Variants in KIF26B observed in about 807,000 individuals in gnomAD.
KIF26B encodes the protein kinesin family member 26B.
Under a neutral mutation model 151.2 loss-of-function variants are expected in KIF26B, and 63 were observed. That is an observed-to-expected ratio of 0.42 (90% confidence interval 0.34 to 0.51). The LOEUF (loss-of-function observed/expected upper bound fraction) is 0.51, where lower values mean the gene tolerates loss of function less well. KIF26B is among the 20% of genes least tolerant of loss of function. The pLI is 0.07. For synonymous variants in KIF26B, 1,357 were observed against 1,262.1 expected, an observed-to-expected ratio of 1.08 and a Z score of -1.59; for missense variants, 2,813 against 2,913.6, an observed-to-expected ratio of 0.97 and a Z score of 0.79.
intron 3 of KIF26B, chr1:245,371,545 C>T (rs557448219): frequency 6.6e-6 from 1 of 152,274 alleles, no homozygotes; most frequent in South Asian, 2.1e-4. Flanking sequence ...AGGGAGAAGA[C>T]GACTCTGCCT....
chr1:245,325,539 C>A (rs746698771), intron 2 of KIF26B, among the ~76,000 whole-genome samples: 1 of 152,046 alleles, frequency 6.6e-6, no homozygotes, highest in Non-Finnish European at 1.5e-5. Flanking sequence ...ATGGTGAAAC[C>A]CCGTCTCTAC....
At chr1:245,420,151 T>C (rs1054583858) in intron 4 of KIF26B, among the ~76,000 whole-genome samples, 1 of 152,192 alleles carries the variant, frequency 6.6e-6, no homozygotes, top group African/African-American at 2.4e-5. Context: ...TCCAGATTTA[T>C]CTTCTCATTA....
intron 10 of KIF26B, among the ~76,000 whole-genome samples, chr1:245,649,504 A>C (rs189979548): frequency 5.3e-5 from 8 of 152,294 alleles, no homozygotes; most frequent in Non-Finnish European, 1.2e-4. Context: ...ATTATGCAGC[A>C]TTTTGTTAGC....
intron 5 of KIF26B, among the ~76,000 whole-genome samples, chr1:245,558,093 G>A (rs1662079776): frequency 6.6e-6 from 1 of 152,170 alleles, no homozygotes; most frequent in Non-Finnish European, 1.5e-5. Flanking sequence ...TTTCTCTTTG[G>A]AGGACTGGAG....
chr1:245,403,979 A>G (rs966420469), intron 3 of KIF26B, among the ~76,000 whole-genome samples: 2 of 152,130 alleles, frequency 1.3e-5, no homozygotes, highest in Non-Finnish European at 2.9e-5. Flanking sequence ...CTTTTTGGAG[A>G]TGGCCTGATT....
At chr1:245,190,384 C>G (rs979336537) in intron 2 of KIF26B, among the ~76,000 whole-genome samples, 1 of 152,088 alleles carries the variant, frequency 6.6e-6, no homozygotes, top group Admixed American at 6.5e-5. Context: ...GTAATCTTTC[C>G]TGTAACACTG....
chr1:245,237,768 T>A (rs967650004), intron 2 of KIF26B, among the ~76,000 whole-genome samples: 1 of 152,154 alleles, frequency 6.6e-6, no homozygotes, highest in Non-Finnish European at 1.5e-5. Context: ...ACACCTGTAA[T>A]CCCAGCACTT....
In KIF26B at chr1:245,397,671, G is replaced by T. The variant is rs574887657; in HGVS notation, c.1000-21908G>T. Among the ~76,000 whole-genome samples, 8 of 152,314 alleles carry T rather than the reference G, an allele frequency of 5.3e-5. No individual in the cohort carries two copies. The East Asian group carries it at 1.5e-3, about 29-fold the overall frequency. On this transcript the variant is annotated intron_variant, in intron 3 of 14. Transcript: ENST00000407071. The stretch of plus-strand genomic sequence containing the variant: ...TGATGTTTTTAAAATTGTGTAGTAA[G>T]TGGCATAGTTATGAGATTTGGGGGA...
At position 245,419,946 on chromosome 1, in the gene KIF26B, G is replaced by T. The variant is rs546234356; in HGVS notation, c.1166+201G>T. Among the ~76,000 whole-genome samples the T allele has an allele frequency of 2.6e-5, 4 of 152,280 alleles. No individual in the cohort carries two copies. The East Asian group carries it at 7.7e-4, about 29-fold the overall frequency. ...TGGGGACTGTCCTGTGTGTTATAGG[G>T]TGGGCTGCAGCATCCTTGGCCTGTA... is the stretch of plus-strand genomic sequence containing the variant. On this transcript the variant is annotated intron_variant, in intron 4 of 14. Coordinates refer to ENST00000407071, the MANE Select transcript of KIF26B (RefSeq NM_018012.4).
intron 2 of KIF26B, among the ~76,000 whole-genome samples, chr1:245,357,666 G>C (rs764659028): frequency 6.6e-6 from 1 of 151,974 alleles, no homozygotes; most frequent in Non-Finnish European, 1.5e-5. Context: ...TTTTCTCATG[G>C]TTGATGAGGG....
At chr1:245,677,898 T>C (rs778434635) in intron 10 of KIF26B, among the ~76,000 whole-genome samples, 46 of 152,240 alleles carry the variant, frequency 3.0e-4, no homozygotes, top group Non-Finnish European at 5.9e-4. Flanking sequence ...TGGGGCAGAA[T>C]TGCCCTCAGC....
intron 3 of KIF26B, among the ~76,000 whole-genome samples, chr1:245,417,800 G>A (rs1460550167): frequency 5.9e-5 from 9 of 152,336 alleles, no homozygotes; most frequent in East Asian, 5.8e-4. Context: ...TTCACCACAC[G>A]CGTTCCAGCG....
intron 2 of KIF26B, among the ~76,000 whole-genome samples, chr1:245,196,957 C>T (rs185875151): frequency 3.9e-5 from 6 of 152,252 alleles, no homozygotes; most frequent in South Asian, 2.1e-4. Context: ...ATAGCTCCTT[C>T]GGTGTTTGGC....
intron 4 of KIF26B, among the ~76,000 whole-genome samples, chr1:245,466,799 G>T (rs1659801518): frequency 6.6e-6 from 1 of 152,166 alleles, no homozygotes; most frequent in Admixed American, 6.5e-5. Context: ...GGTGGTGAGT[G>T]CCTGTAATCC....
At chr1:245,228,799 C>T (rs563857555) in intron 2 of KIF26B, among the ~76,000 whole-genome samples, 170 of 152,286 alleles carry the variant, frequency 1.1e-3, no homozygotes, top group Non-Finnish European at 2.0e-3. Flanking sequence ...CTGGAGGCTG[C>T]ACGCCTAGTA....
intron 3 of KIF26B, among the ~76,000 whole-genome samples, chr1:245,411,155 C>T (rs1354629818): frequency 2.6e-5 from 4 of 152,240 alleles, no homozygotes; most frequent in African/African-American, 9.6e-5. Context: ...CTTTTGCCCT[C>T]TTCACAAATC....
rs932435094 is a variant in KIF26B, at chr1:245,318,360, A to C, written c.466-48474A>C. Among the ~76,000 whole-genome samples the C allele has an allele frequency of 6.6e-6, 1 of 152,192 alleles. No homozygotes were observed. Among genetic ancestry groups the C allele is most frequent in the Non-Finnish European group, 1.5e-5 (1 of 68,030 alleles). On this transcript the variant is annotated intron_variant, in intron 2 of 14. Coordinates refer to ENST00000407071, the MANE Select transcript of KIF26B (RefSeq NM_018012.4). The surrounding 1 kb of genome is among the most constrained non-coding windows in gnomAD (Gnocchi z 4.0). ...CCCTCAGCAAGACGAGGGAAGAAGA[A>C]GATTCTGGAAAGGGAGAATTCTGCC...
Position 245,606,985 on chromosome 1 carries a change from G to C in KIF26B, c.1558-666G>C, listed in dbSNP as rs1046927843. On this transcript the variant is annotated intron_variant, in intron 6 of 14. Transcript: ENST00000407071. The surrounding 1 kb of genome is among the most constrained non-coding windows in gnomAD (Gnocchi z 4.6). Reference sequence around the variant, plus strand: ...GGAGGCTGAGGCAAGAGAATCACTTGAGCCCAGGAGGCGGAGGTTGCAGTG... The same window carrying C: ...GGAGGCTGAGGCAAGAGAATCACTTCAGCCCAGGAGGCGGAGGTTGCAGTG... Among the ~76,000 whole-genome samples the C allele has an allele frequency of 1.3e-5, 2 of 148,408 alleles. No individual in the cohort carries two copies. The highest frequency in any genetic ancestry group is 3.0e-5 in the Non-Finnish European group (2 of 67,720).
intron 4 of KIF26B, among the ~76,000 whole-genome samples, chr1:245,484,306 C>T (rs1480554123): frequency 6.6e-6 from 1 of 151,870 alleles, no homozygotes; most frequent in Non-Finnish European, 1.5e-5. Flanking sequence ...TATCTGTGTT[C>T]TCTTACAAAT....
Sources: gnomAD v4.1 joint callset for allele counts (sites outside exome capture counted in the v4.1 genomes callset) on GRCh38, gnomAD v4.1.1 for gene constraint, Gnocchi (gnomAD v3.1) non-coding constraint, MANE v1.5 for transcripts, NCBI Gene and HGNC (gene_info 2026-07-23, HGNC 2026-07-21) for gene names.